Variants in NPAS2 observed in about 807,000 individuals in gnomAD.
NPAS2 encodes neuronal PAS domain protein 2.
A neutral mutation model predicts 107.5 loss-of-function variants in NPAS2; 23 were observed. The observed-to-expected ratio is 0.21, with a 90% confidence interval of 0.15 to 0.30. The LOEUF is 0.30. NPAS2 is among the 10% of genes least tolerant of loss of function. The pLI is 1.00. For synonymous variants in NPAS2, 403 were observed against 417.5 expected (o/e 0.97, Z 0.42); for missense variants, 756 against 1,043.3 (o/e 0.72, Z 3.79).
Position 100,990,435 on chromosome 2 carries a change from T to A in NPAS2, c.2007T>A (p.Asp669Glu). Reference protein sequence around the residue: ...QCQPSPDFSHDRQLRLLLSQP... With the variant: ...QCQPSPDFSHERQLRLLLSQP... ...AGCCCAGCCCAGACTTCAGCCATGA[T>A]CGGCAGCTCAGGTACGAGACTGCCC... is the stretch of plus-strand genomic sequence containing the variant. Residue 669 changes from aspartate (D) to glutamate (E), a missense_variant, in exon 18 of 21, where the codon GAT becomes GAA. By Grantham distance (45) the Asp-to-Glu change is conservative. Transcript: ENST00000335681. The A allele has an allele frequency of 6.2e-7, 1 of 1,614,184 alleles. No individual in the cohort carries two copies. Among genetic ancestry groups the A allele is most frequent in the Non-Finnish European group, 8.5e-7 (1 of 1,180,020 alleles).
At chr2:100,874,507 TGAG>T (rs1335438923) in intron 1 of NPAS2, among the ~76,000 whole-genome samples, 9 of 152,134 alleles carry the variant, frequency 5.9e-5, no homozygotes, top group African/African-American at 2.2e-4. Flanking sequence ...TTTGGGAGGC[TGAG>T]GAGGACAGAT....
chr2:100,957,964 T>C (rs1179931305), intron 7 of NPAS2, among the ~76,000 whole-genome samples: 6 of 152,302 alleles, frequency 3.9e-5, no homozygotes, highest in Non-Finnish European at 8.8e-5. Context: ...GGTCCTAATA[T>C]GCAGGCTTCC....
At chr2:100,938,210 A>G (rs1209524089) in intron 5 of NPAS2, among the ~76,000 whole-genome samples, 11 of 152,196 alleles carry the variant, frequency 7.2e-5, no homozygotes, top group Admixed American at 7.2e-4. Context: ...ACAGCTGATC[A>G]AGGGAGAGGA....
At chr2:100,837,733 T>G (rs1677156738) in intron 1 of NPAS2, among the ~76,000 whole-genome samples, 1 of 152,192 alleles carries the variant, frequency 6.6e-6, no homozygotes, top group Non-Finnish European at 1.5e-5. Context: ...GGAGTTTTCC[T>G]CAGATTGGTC....
At chr2:100,877,287 A>G (rs1045181648) in intron 1 of NPAS2, among the ~76,000 whole-genome samples, 2 of 151,406 alleles carry the variant, frequency 1.3e-5, no homozygotes, top group African/African-American at 4.8e-5. Context: ...ACACAGTGAA[A>G]CCCCGCCTCT....
At position 100,820,877 on chromosome 2, in the gene NPAS2, G is replaced by T. The variant is rs1676029789; in HGVS notation, c.-23+463G>T. On this transcript the variant is annotated intron_variant, in intron 1 of 20. Transcript: ENST00000335681. The surrounding 1 kb of genome is among the most constrained non-coding windows in gnomAD (Gnocchi z 5.6). ...GCGGCGTGCGCGCCCTGGGCCCGCG[G>T]TCTCTCGGAGTCCCTGGGTCGGAAT... The T allele has an allele frequency of 9.7e-6, 4 of 412,946 alleles. No homozygotes were observed. Among genetic ancestry groups the T allele is most frequent in the Non-Finnish European group, 1.8e-5 (4 of 228,398 alleles). 25.6% of individuals were successfully genotyped at this position (412,946 alleles called of 1,614,324 possible). A position where few individuals can be genotyped will look rare whatever the true frequency, so the allele number is the denominator to read the frequency against.
chr2:100,916,389 GGTAAAA>G (rs1164251790), intron 2 of NPAS2, among the ~76,000 whole-genome samples: 2 of 151,674 alleles, frequency 1.3e-5, no homozygotes, highest in African/African-American at 4.8e-5. Flanking sequence ...ATAGGTAGAG[GGTAAAA>G]GTAAAACTAT....
At chr2:100,919,915 T>C (rs1683119175) in intron 2 of NPAS2, among the ~76,000 whole-genome samples, 1 of 152,198 alleles carries the variant, frequency 6.6e-6, no homozygotes, top group South Asian at 2.1e-4. Flanking sequence ...AGTATTGTAT[T>C]GCACCCCCTA....
intron 6 of NPAS2, among the ~76,000 whole-genome samples, chr2:100,948,623 CTT>C (rs3832054): frequency 0.52 from 78,729 of 151,510 alleles, 20,532 homozygotes; most frequent in Admixed American, 0.62. Flanking sequence ...TAAGATTTCT[CTT>C]TTTTTTTGCA....
At chr2:100,907,722 T>G (rs1682257582) in intron 2 of NPAS2, among the ~76,000 whole-genome samples, 1 of 152,166 alleles carries the variant, frequency 6.6e-6, no homozygotes. Context: ...CTTTCGATGC[T>G]TTAGGGAATT....
intron 1 of NPAS2, among the ~76,000 whole-genome samples, chr2:100,888,102 T>G (rs1249073140): frequency 6.6e-6 from 1 of 152,198 alleles, no homozygotes; most frequent in South Asian, 2.1e-4. Flanking sequence ...CACAGGGGCA[T>G]CCTGCAACCC....
chr2:100,937,963 G>C, intron 5 of NPAS2, 121 bp downstream of exon 5: 7 of 839,544 alleles, frequency 8.3e-6, no homozygotes, highest in Non-Finnish European at 2.0e-6. Context: ...AGAGGGCGGA[G>C]AGTAAAGGAC....
chr2:100,991,733 C>T (rs547233649), intron 19 of NPAS2, among the ~76,000 whole-genome samples: 1 of 152,188 alleles, frequency 6.6e-6, no homozygotes, highest in African/African-American at 2.4e-5. Context: ...GGCACATGCT[C>T]GGTCTTTTTT....
chr2:100,897,015 A>G (rs937726023), intron 1 of NPAS2, among the ~76,000 whole-genome samples: 4 of 152,208 alleles, frequency 2.6e-5, no homozygotes, highest in Non-Finnish European at 5.9e-5. Context: ...GAAACTTACA[A>G]TCATGGCGGA....
chr2:100,831,903 C>G (rs1297409959), intron 1 of NPAS2, among the ~76,000 whole-genome samples: 1 of 152,120 alleles, frequency 6.6e-6, no homozygotes, highest in African/African-American at 2.4e-5. Flanking sequence ...TCTATTCTCT[C>G]AAACCTGCAA....
chr2:100,885,924 G>A (rs1680670571), intron 1 of NPAS2, among the ~76,000 whole-genome samples: 1 of 152,172 alleles, frequency 6.6e-6, no homozygotes, highest in Non-Finnish European at 1.5e-5. Context: ...GCCTCCCAAA[G>A]TACTGGGATT....
chr2:100,956,563 A>G (rs1387581948), intron 7 of NPAS2, among the ~76,000 whole-genome samples: 1 of 152,178 alleles, frequency 6.6e-6, no homozygotes, highest in African/African-American at 2.4e-5. Flanking sequence ...TCATAGCTGT[A>G]TAGTATTCCA....
At chr2:100,873,133 T>C (rs377117219) in intron 1 of NPAS2, among the ~76,000 whole-genome samples, 2 of 150,146 alleles carry the variant, frequency 1.3e-5, no homozygotes, top group South Asian at 2.1e-4. Flanking sequence ...TGAAACCTCA[T>C]CTCTACTAAA....
chr2:100,995,210 A>G (rs1573824518), intron 20 of NPAS2, 190 bp from the exon 21 acceptor site: 1 of 506,882 alleles, frequency 2.0e-6, no homozygotes, highest in Non-Finnish European at 3.4e-6. Flanking sequence ...AATTCACCCT[A>G]AGGTTCCCTT....
Sources: allele counts gnomAD v4.1 joint callset (sites outside exome capture counted in the v4.1 genomes callset), GRCh38; gene constraint gnomAD v4.1.1; non-coding constraint Gnocchi (gnomAD v3.1); transcripts MANE v1.5; gene names NCBI Gene and HGNC (gene_info 2026-07-23, HGNC 2026-07-21).